The following ANO5 variants were observed in gnomAD, a reference collection of about 807,000 sequenced individuals.
The protein encoded by ANO5 is anoctamin 5, also known as anoctamin-5.
ANO5 carries 109 observed loss-of-function variants against 121.0 expected under a neutral mutation model. That is an observed-to-expected ratio of 0.90 (90% CI 0.77 to 1.06). ANO5 has a LOEUF of 1.06. Ranked by LOEUF, ANO5 falls within the 50% of genes least tolerant of loss-of-function variation. The probability of loss-of-function intolerance (pLI) is 0.00; values close to 1 mark genes in which losing one functional copy is unlikely to be tolerated. For missense variants in ANO5, 1,064 were observed against 1,078.5 expected, an observed-to-expected ratio of 0.99 and a Z score of 0.19; for synonymous variants, 406 against 359.9, an observed-to-expected ratio of 1.13 and a Z score of -1.45.
intron 7 of ANO5, among the ~76,000 whole-genome samples, chr11:22,229,249 T>C (rs1006731013): frequency 2.6e-5 from 4 of 151,994 alleles, no homozygotes; most frequent in African/African-American, 9.7e-5. Context: ...AAGATTCTTT[T>C]CCTTGAGATT....
In ANO5 at chr11:22,239,681, T is replaced by C. The variant is rs747123618; in HGVS notation, c.875T>C (p.Ile292Thr). The C allele has an allele frequency of 1.3e-6, 2 of 1,587,908 alleles. No individual in the cohort carries two copies. Among genetic ancestry groups the C allele is most frequent in the African/African-American group, 2.7e-5 (2 of 74,380 alleles). ...YFYKEQPLDL[I>T]KNYYGEKIGI... ...TACAAGGAGCAGCCTTTAGACTTGA[T>C]TAAGTAAGTTTCATACACAGGATCA... is the stretch of plus-strand genomic sequence containing the variant. Residue 292 changes from isoleucine (I) to threonine (T), a missense_variant, in exon 9 of 22, where the codon ATT becomes ACT. Physicochemically the swap from Ile to Thr is moderately conservative, Grantham distance 89. Coordinates refer to ENST00000324559, the MANE Select transcript of ANO5 (RefSeq NM_213599.3).
At chr11:22,213,611 T>G (rs1852350159) in intron 3 of ANO5, among the ~76,000 whole-genome samples, 1 of 151,206 alleles carries the variant, frequency 6.6e-6, no homozygotes, top group African/African-American at 2.5e-5. Flanking sequence ...ATTTATTCAC[T>G]GTAAAGTTAC....
chr11:22,193,923 G>T (rs2133476158), intron 1 of ANO5, among the ~76,000 whole-genome samples: 1 of 152,314 alleles, frequency 6.6e-6, no homozygotes, highest in South Asian at 2.1e-4. Flanking sequence ...AAAAAAAGCA[G>T]CAGTATAGAG....
At chr11:22,229,538 A>G (rs1441054750) in intron 7 of ANO5, among the ~76,000 whole-genome samples, 3 of 152,012 alleles carry the variant, frequency 2.0e-5, no homozygotes, top group Non-Finnish European at 4.4e-5. Flanking sequence ...AAATATGATC[A>G]TTTCTCTTAA....
chr11:22,194,138 A>G (rs938866735), intron 1 of ANO5, among the ~76,000 whole-genome samples: 15 of 152,172 alleles, frequency 9.9e-5, no homozygotes, highest in Admixed American at 6.5e-5. Context: ...AACAGCTTTC[A>G]TTAAGCCCTT....
At chr11:22,248,111 T>C (rs1056274906) in intron 9 of ANO5, among the ~76,000 whole-genome samples, 5 of 152,122 alleles carry the variant, frequency 3.3e-5, no homozygotes, top group Non-Finnish European at 5.9e-5. Flanking sequence ...CAAGATTGTA[T>C]TCAATTTAAT....
Position 22,262,131 on chromosome 11 carries a change from A to T in ANO5, c.1633A>T (p.Ile545Phe), listed in dbSNP as rs1854207875. The change falls in exon 16 of 22, where the codon ATT becomes TTT. Residue 545 changes from isoleucine to phenylalanine, a missense_variant and splice_region_variant. Transcript: ENST00000324559. ...KISAWITKMEIPRTYQEYESS... is the reference protein window; with the variant it reads ...KISAWITKMEFPRTYQEYESS... The stretch of plus-strand genomic sequence containing the variant: ...AACATTTTTTTTTAACTTAACAGAA[A>T]TTCCTCGAACATACCAGGAGTATGA... The T allele has an allele frequency of 6.2e-7, 1 of 1,613,508 alleles. No homozygotes were observed. The highest frequency in any genetic ancestry group is 8.5e-7 in the Non-Finnish European group (1 of 1,179,852).
At chr11:22,218,410 G>C (rs1852534920) in intron 4 of ANO5, 123 bp downstream of exon 4, 3 of 1,274,244 alleles carry the variant, frequency 2.4e-6, no homozygotes. Flanking sequence ...TAGTCCCCAG[G>C]CAACTGAAGT....
At chr11:22,226,131 A>T (rs775086127) in intron 6 of ANO5, 79 bp downstream of exon 6, 569 of 1,213,666 alleles carry the variant, frequency 4.7e-4, no homozygotes, top group Non-Finnish European at 6.3e-4. Flanking sequence ...GCCTGGATAG[A>T]CTCTGTGTTT....
chr11:22,203,013 G>T (rs1425490529), intron 1 of ANO5, among the ~76,000 whole-genome samples: 1 of 152,068 alleles, frequency 6.6e-6, no homozygotes, highest in Non-Finnish European at 1.5e-5. Context: ...CCTACAATAG[G>T]TCAATATCAA....
chr11:22,268,176 A>G (rs1854438943), intron 17 of ANO5, among the ~76,000 whole-genome samples: 1 of 152,180 alleles, frequency 6.6e-6, no homozygotes, highest in Admixed American at 6.5e-5. Flanking sequence ...TTATCAATCT[A>G]TATAGATTTT....
intron 7 of ANO5, among the ~76,000 whole-genome samples, chr11:22,227,827 G>C (rs1257648820): frequency 2.7e-4 from 41 of 152,180 alleles, no homozygotes; most frequent in Non-Finnish European, 1.5e-5. Context: ...TAAAGAAAGA[G>C]ATGTTATACA....
chr11:22,274,015 A>G (rs1481265986), intron 19 of ANO5, among the ~76,000 whole-genome samples: 1 of 152,140 alleles, frequency 6.6e-6, no homozygotes, highest in Non-Finnish European at 1.5e-5. Context: ...TCTAAAAGAA[A>G]TATGCTATTT....
chr11:22,236,188 C>A lies in ANO5; in HGVS notation c.674C>A (p.Pro225His). 1 of 1,613,006 alleles carries A rather than the reference C, an allele frequency of 6.2e-7. No homozygotes were observed. Among genetic ancestry groups the A allele is most frequent in the Non-Finnish European group, 8.5e-7 (1 of 1,179,296 alleles). ...GTGTACTATATTCTCTCAAGATGTCCTTTTGGCATAGAAGATGGGAAGAAA... is the reference window on the plus strand; with the variant it reads ...GTGTACTATATTCTCTCAAGATGTCATTTTGGCATAGAAGATGGGAAGAAA... ...RIVYYILSRC[P>H]FGIEDGKKRF... is the part of the protein sequence containing the mutation. The change falls in exon 8 of 22, where the codon CCT becomes CAT. Residue 225 changes from proline (P) to histidine (H), a missense_variant. Transcript: ENST00000324559.
chr11:22,226,121 G>T lies in ANO5; in HGVS notation c.363+69G>T, dbSNP rs1341252557. The stretch of plus-strand genomic sequence containing the variant: ...GTTGTTTTCTCCTACTCTGGCCTTT[G>T]CCTGGATAGACTCTGTGTTTGGGGG... On this transcript the variant is annotated intron_variant, in intron 6 of 21. Transcript: ENST00000324559. 21 of 1,301,372 alleles carry T rather than the reference G, an allele frequency of 1.6e-5. No individual in the cohort carries two copies. In the East Asian group the frequency reaches 2.9e-4, roughly 18 times the overall value. The allele number at this position is 1,301,372 out of a possible 1,614,324, so 80.6% of individuals were successfully genotyped here. A position where few individuals can be genotyped will look rare whatever the true frequency, so the allele number is the denominator to read the frequency against.
intron 19 of ANO5, among the ~76,000 whole-genome samples, chr11:22,273,495 A>G (rs1362052446): frequency 6.6e-6 from 1 of 152,186 alleles, no homozygotes; most frequent in African/African-American, 2.4e-5. Flanking sequence ...AAGAGAAAAC[A>G]GAATTGAAAT....
intron 17 of ANO5, among the ~76,000 whole-genome samples, chr11:22,269,282 A>G (rs1394368287): frequency 8.6e-5 from 5 of 58,142 alleles, no homozygotes; most frequent in East Asian, 6.0e-4. Flanking sequence ...GGAAGGGAAG[A>G]GAAGGGAAGA....
intron 2 of ANO5, among the ~76,000 whole-genome samples, chr11:22,205,651 A>G (rs1353847332): frequency 6.6e-6 from 1 of 152,152 alleles, no homozygotes; most frequent in Non-Finnish European, 1.5e-5. Flanking sequence ...TGAAAACCAG[A>G]AAGTATTAGA....
At chr11:22,274,799 T>C in intron 20 of ANO5, 52 bp downstream of exon 20, 1 of 1,581,144 alleles carries the variant, frequency 6.3e-7, no homozygotes, top group Non-Finnish European at 8.6e-7. Flanking sequence ...TTAAGCGTAT[T>C]TCTTAAGTTA....
Sources: allele counts gnomAD v4.1 joint callset (sites outside exome capture counted in the v4.1 genomes callset), GRCh38; gene constraint gnomAD v4.1.1; transcripts MANE v1.5; gene names NCBI Gene and HGNC (gene_info 2026-07-23, HGNC 2026-07-21).